The following GLIS3 variants were observed in gnomAD, a reference collection of about 807,000 sequenced individuals.
GLIS3 encodes the protein GLIS family zinc finger 3, also known as zinc finger protein GLIS3.
A neutral mutation model predicts 78.6 loss-of-function variants in GLIS3; 53 were observed. The observed-to-expected ratio is 0.67, with a 90% CI of 0.54 to 0.85. The LOEUF (loss-of-function observed/expected upper bound fraction) is 0.85, where lower values mean the gene tolerates loss of function less well. Ranked by LOEUF, GLIS3 falls within the 40% of genes least tolerant of loss-of-function variation. The probability of loss-of-function intolerance (pLI) is 0.00; values close to 1 mark genes in which losing one functional copy is unlikely to be tolerated. For synonymous variants in GLIS3, 684 were observed against 509.9 expected (o/e 1.34, Z -4.60); for missense variants, 1,703 against 1,231.1 (o/e 1.38, Z -5.74).
chr9:3,841,540 T>C (rs138495316), intron 9 of GLIS3, among the ~76,000 whole-genome samples: 48 of 152,344 alleles, frequency 3.2e-4, no homozygotes, highest in African/African-American at 1.2e-3. Context: ...AGTGCCCAGC[T>C]ACCCATTAGT....
At chr9:4,218,988 G>T (rs532287550) in intron 2 of GLIS3, among the ~76,000 whole-genome samples, 1 of 152,124 alleles carries the variant, frequency 6.6e-6, no homozygotes, top group Non-Finnish European at 1.5e-5. Flanking sequence ...GATAAAATTG[G>T]TCATTACTGT....
chr9:4,308,403 G>A (rs969163456), intron 4 of GLIS3, among the ~76,000 whole-genome samples: 2 of 152,052 alleles, frequency 1.3e-5, no homozygotes, highest in Admixed American at 1.3e-4. Context: ...AAGAGGAGAA[G>A]GAAGGAAGGG....
At position 4,320,955 on chromosome 9, in the gene GLIS3, C is replaced by T. The variant is rs560990797; in HGVS notation, n.265-10427G>A. The stretch of plus-strand genomic sequence containing the variant: ...TGCTTGAGCATTTTTCAATGGCTCC[C>T]ACAGCTCTCGAGATACAAAGAACGT... On this transcript the variant is annotated intron_variant and non_coding_transcript_variant, in intron 2 of 4. Coordinates refer to the GLIS3 transcript ENST00000471664. Among the ~76,000 whole-genome samples, 34 of 152,028 alleles carry T rather than the reference C, an allele frequency of 2.2e-4. 1 individual carries two copies. Among genetic ancestry groups the T allele is most frequent in the African/African-American group, 7.5e-4 (31 of 41,434 alleles).
intron 4 of GLIS3, among the ~76,000 whole-genome samples, chr9:4,009,218 G>A (rs368987487): frequency 1.3e-5 from 2 of 152,164 alleles, no homozygotes; most frequent in African/African-American, 2.4e-5. Flanking sequence ...TTGCTCACAC[G>A]GAGCATGAGG....
intron 6 of GLIS3, among the ~76,000 whole-genome samples, chr9:3,932,065 G>C (rs1317630377): frequency 1.3e-5 from 2 of 152,158 alleles, no homozygotes; most frequent in Non-Finnish European, 2.9e-5. Context: ...TTTCCAGTTT[G>C]AGGGACTTTC....
chr9:4,306,515 T>C (rs1337657188), intron 4 of GLIS3, among the ~76,000 whole-genome samples: 1 of 152,244 alleles, frequency 6.6e-6, no homozygotes, highest in Non-Finnish European at 1.5e-5. Flanking sequence ...TCTCAGTTAC[T>C]GGTTAACAAA....
chr9:4,330,831 C>T (rs1020685970), intron 2 of GLIS3, among the ~76,000 whole-genome samples: 6 of 152,132 alleles, frequency 3.9e-5, no homozygotes, highest in African/African-American at 1.4e-4. Flanking sequence ...TCAGAATCAT[C>T]CACCACCAGC....
chr9:3,965,193 C>CTTTTTTTTT (rs34951383), intron 4 of GLIS3, among the ~76,000 whole-genome samples: 26 of 100,160 alleles, frequency 2.6e-4, no homozygotes, highest in Admixed American at 6.6e-4. Context: ...CTTTTCTTTT[C>CTTTTTTTTT]TTTTTTTTTT....
At chr9:4,130,213 C>G (rs1488301850) in intron 2 of GLIS3, among the ~76,000 whole-genome samples, 1 of 152,146 alleles carries the variant, frequency 6.6e-6, no homozygotes, top group African/African-American at 2.4e-5. Flanking sequence ...AAAAGGGAAG[C>G]AGAGTGTAAA....
chr9:4,167,366 C>G (rs1027401944), intron 2 of GLIS3, among the ~76,000 whole-genome samples: 2 of 152,138 alleles, frequency 1.3e-5, no homozygotes, highest in Admixed American at 1.3e-4. Flanking sequence ...ATGAAAGGCT[C>G]AGAGGACAAA....
chr9:4,431,864 G>C, the GLIS3 span, among the ~76,000 whole-genome samples: 18,407 of 137,604 alleles, frequency 0.13, 1,403 homozygotes, highest in South Asian at 0.2. Context: ...AAAAAAAAAA[G>C]CCATATAGTA....
chr9:3,843,834 G>A (rs1437784201), intron 9 of GLIS3, among the ~76,000 whole-genome samples: 3 of 152,314 alleles, frequency 2.0e-5, no homozygotes, highest in African/African-American at 7.2e-5. Context: ...ATTTTGGGAT[G>A]TGTGAGATGA....
At chr9:4,472,250 T>A in the GLIS3 span, among the ~76,000 whole-genome samples, 1 of 152,188 alleles carries the variant, frequency 6.6e-6, no homozygotes, top group African/African-American at 2.4e-5. Flanking sequence ...AGCCATCCCA[T>A]TACTGGGTAC....
At chr9:4,192,202 A>ACTAAGC (rs1184643662) in intron 2 of GLIS3, among the ~76,000 whole-genome samples, 1 of 152,206 alleles carries the variant, frequency 6.6e-6, no homozygotes, top group Non-Finnish European at 1.5e-5. Context: ...CTTTACCCAC[A>ACTAAGC]CTAAGCCTTT....
intron 4 of GLIS3, among the ~76,000 whole-genome samples, chr9:4,037,015 G>A (rs894273484): frequency 6.6e-6 from 1 of 152,092 alleles, no homozygotes; most frequent in Non-Finnish European, 1.5e-5. Context: ...GGGTGTCCAT[G>A]TTCTAACCTT....
chr9:3,878,564 T>A (rs1413256673), intron 8 of GLIS3: 1 of 152,198 alleles, frequency 6.6e-6, no homozygotes, highest in African/African-American at 2.4e-5. Flanking sequence ...TTATTCCTGC[T>A]GCCTATTCAA....
chr9:4,197,966 G>A (rs1190870575), intron 2 of GLIS3, among the ~76,000 whole-genome samples: 2 of 151,772 alleles, frequency 1.3e-5, no homozygotes, highest in East Asian at 3.9e-4. Context: ...CAAAAAGAAA[G>A]AACAAAAATA....
chr9:3,909,807 C>T (rs1824006804), intron 6 of GLIS3, among the ~76,000 whole-genome samples: 1 of 152,214 alleles, frequency 6.6e-6, no homozygotes, highest in African/African-American at 2.4e-5. Context: ...TGTAGCAACA[C>T]TATCCAGTTG....
chr9:4,062,731 T>A (rs1178051411), intron 4 of GLIS3, among the ~76,000 whole-genome samples: 1 of 152,048 alleles, frequency 6.6e-6, no homozygotes, highest in Non-Finnish European at 1.5e-5. Context: ...ATTGAGACCA[T>A]CCTGGCTAAC....
Sources: allele counts gnomAD v4.1 joint callset (sites outside exome capture counted in the v4.1 genomes callset), GRCh38; gene constraint gnomAD v4.1.1; transcripts MANE v1.5; gene names NCBI Gene and HGNC (gene_info 2026-07-23, HGNC 2026-07-21).